The following SGCD variants were observed in gnomAD, a reference collection of about 807,000 sequenced individuals.
SGCD encodes the protein delta-sarcoglycan.
In SGCD, 18 loss-of-function variants were observed where a neutral mutation model predicts 36.6. The observed-to-expected ratio is 0.49, with a 90% confidence interval of 0.34 to 0.73. The LOEUF is 0.73. Ranked by LOEUF, SGCD falls within the 30% of genes least tolerant of loss-of-function variation. The pLI, the probability that SGCD is intolerant of heterozygous loss-of-function variation, is 0.01. For missense variants in SGCD, 387 were observed against 346.7 expected, an observed-to-expected ratio of 1.12 and a Z score of -0.92; for synonymous variants, 133 against 130.6, an observed-to-expected ratio of 1.02 and a Z score of -0.12.
the SGCD span, among the ~76,000 whole-genome samples, chr5:155,764,020 T>C: frequency 6.6e-6 from 1 of 152,206 alleles, no homozygotes; most frequent in African/African-American, 2.4e-5. Flanking sequence ...CTTTTTGCTT[T>C]TTGAAAATTG....
intron 3 of SGCD, among the ~76,000 whole-genome samples, chr5:156,446,247 C>T (rs1037140588): frequency 2.0e-5 from 3 of 152,088 alleles, no homozygotes; most frequent in African/African-American, 4.8e-5. Context: ...TAAGTGTCCC[C>T]TATAGACACA....
At chr5:155,963,315 T>G (rs1239265814) in intron 1 of SGCD, among the ~76,000 whole-genome samples, 2 of 152,160 alleles carry the variant, frequency 1.3e-5, no homozygotes, top group Non-Finnish European at 2.9e-5. Flanking sequence ...TTCATCAACA[T>G]GTTCTGAAAT....
intron 4 of SGCD, among the ~76,000 whole-genome samples, chr5:156,537,436 G>A (rs563217102): frequency 7.1e-6 from 1 of 140,852 alleles, no homozygotes; most frequent in Admixed American, 7.3e-5. Flanking sequence ...GTTCTCACTG[G>A]GCTTGAGGTT....
At chr5:156,466,989 C>T (rs1754748346) in intron 3 of SGCD, among the ~76,000 whole-genome samples, 2 of 152,046 alleles carry the variant, frequency 1.3e-5, no homozygotes, top group Admixed American at 6.6e-5. Context: ...ACATGGGAGA[C>T]ATGTTGAAGG....
intron 3 of SGCD, among the ~76,000 whole-genome samples, chr5:156,223,678 G>A (rs892904644): frequency 2.0e-5 from 3 of 152,008 alleles, no homozygotes; most frequent in African/African-American, 4.8e-5. Context: ...GAGAGCATGG[G>A]GCTGACATTA....
chr5:155,865,343 T>C, the SGCD span, among the ~76,000 whole-genome samples: 1 of 152,250 alleles, frequency 6.6e-6, no homozygotes, highest in African/African-American at 2.4e-5. Context: ...ACTTAGAAAA[T>C]ATCTAGATTC....
chr5:156,318,925 T>C (rs1767590728), intron 3 of SGCD, among the ~76,000 whole-genome samples: 1 of 152,140 alleles, frequency 6.6e-6, no homozygotes, highest in South Asian at 2.1e-4. Context: ...TGGCACATTC[T>C]TTCGTTAGAT....
At chr5:156,370,845 G>A (rs1770348431) in intron 3 of SGCD, among the ~76,000 whole-genome samples, 1 of 152,026 alleles carries the variant, frequency 6.6e-6, no homozygotes, top group Admixed American at 6.5e-5. Context: ...GGAATATTAG[G>A]GCAGTCGGCA....
At chr5:155,772,976 C>T in the SGCD span, among the ~76,000 whole-genome samples, 10 of 152,150 alleles carry the variant, frequency 6.6e-5, no homozygotes, top group African/African-American at 2.4e-4. Flanking sequence ...GAGGTTACCT[C>T]TAGTACTACT....
intron 3 of SGCD, among the ~76,000 whole-genome samples, chr5:156,154,714 T>C (rs1762909452): frequency 6.6e-6 from 1 of 151,718 alleles, no homozygotes; most frequent in South Asian, 2.1e-4. Flanking sequence ...AGTTGGACTG[T>C]TTGTCTATAA....
chr5:156,700,233 A>G (rs1349912241), intron 7 of SGCD, among the ~76,000 whole-genome samples: 1 of 152,212 alleles, frequency 6.6e-6, no homozygotes, highest in Non-Finnish European at 1.5e-5. Context: ...TTGACAGTAC[A>G]GTCCAGAGAT....
At chr5:155,988,116 T>C (rs1171008181) in intron 1 of SGCD, among the ~76,000 whole-genome samples, 1 of 152,202 alleles carries the variant, frequency 6.6e-6, no homozygotes, top group Non-Finnish European at 1.5e-5. Flanking sequence ...CCCAGATTTT[T>C]TGACTCAAGA....
intron 3 of SGCD, among the ~76,000 whole-genome samples, chr5:156,365,889 C>T (rs1392315090): frequency 7.0e-6 from 1 of 142,278 alleles, no homozygotes; most frequent in Non-Finnish European, 1.5e-5. Flanking sequence ...TATGCATATA[C>T]ATGTATACAT....
chr5:156,113,083 G>A (rs1761825505), intron 1 of SGCD, among the ~76,000 whole-genome samples: 1 of 146,578 alleles, frequency 6.8e-6, no homozygotes, highest in Non-Finnish European at 1.5e-5. Flanking sequence ...TTTAAATCAT[G>A]TAGAAGATCT....
At chr5:156,578,398 G>A (rs964754494) in intron 4 of SGCD, among the ~76,000 whole-genome samples, 4 of 152,150 alleles carry the variant, frequency 2.6e-5, no homozygotes, top group Admixed American at 2.6e-4. Flanking sequence ...GTCTCTGCCA[G>A]GCTTTGATAT....
intron 1 of SGCD, among the ~76,000 whole-genome samples, chr5:156,030,424 G>T (rs566599570): frequency 6.6e-6 from 1 of 152,232 alleles, no homozygotes; most frequent in East Asian, 1.9e-4. Context: ...AGATGAGAGT[G>T]GCATGTCTAC....
chr5:155,977,039 C>A (rs190231061), intron 1 of SGCD, among the ~76,000 whole-genome samples: 1 of 152,202 alleles, frequency 6.6e-6, no homozygotes, highest in Non-Finnish European at 1.5e-5. Flanking sequence ...AAAATTCAGG[C>A]GTGATCTTGC....
chr5:155,960,133 C>T (rs1239691751), intron 1 of SGCD, among the ~76,000 whole-genome samples: 9 of 151,962 alleles, frequency 5.9e-5, no homozygotes, highest in Admixed American at 5.2e-4. Context: ...CCTTTTTCTT[C>T]TCCCTCCCCT....
intron 6 of SGCD, among the ~76,000 whole-genome samples, chr5:156,603,914 G>T (rs1411082167): frequency 6.6e-6 from 1 of 151,882 alleles, no homozygotes; most frequent in African/African-American, 2.4e-5. Context: ...AGGTCCATTT[G>T]GTCTATGGTA....
Sources: gnomAD v4.1 joint callset for allele counts (sites outside exome capture counted in the v4.1 genomes callset) on GRCh38, gnomAD v4.1.1 for gene constraint, MANE v1.5 for transcripts, NCBI Gene and HGNC (gene_info 2026-07-23, HGNC 2026-07-21) for gene names.